RSPO2: variants seen among roughly 807,000 people sequenced by gnomAD.
The protein encoded by RSPO2 is R-spondin-2.
In RSPO2, 14 loss-of-function variants were observed where a neutral mutation model predicts 30.9. The observed-to-expected ratio is 0.45, with a 90% CI of 0.30 to 0.71. The LOEUF (loss-of-function observed/expected upper bound fraction) is 0.71, where lower values mean the gene tolerates loss of function less well. RSPO2 is among the 30% of genes least tolerant of loss of function. The pLI, the probability that RSPO2 is intolerant of heterozygous loss-of-function variation, is 0.08. For missense variants in RSPO2, 264 were observed against 301.9 expected (o/e 0.87, Z 0.93); for synonymous variants, 107 against 96.4 (o/e 1.11, Z -0.64).
chr8:107,910,499 C>T (rs1811788094), intron 5 of RSPO2, among the ~76,000 whole-genome samples: 1 of 152,182 alleles, frequency 6.6e-6, no homozygotes, highest in Admixed American at 6.5e-5. Context: ...TGCCACCATA[C>T]TCCAGCCTGG....
chr8:107,954,978 T>C (rs1813376469), intron 5 of RSPO2, among the ~76,000 whole-genome samples: 2 of 152,154 alleles, frequency 1.3e-5, no homozygotes, highest in African/African-American at 2.4e-5. Context: ...GTCTGCTATA[T>C]TGGTAGCTAA....
At chr8:108,043,221 T>C (rs1238607541) in intron 2 of RSPO2, among the ~76,000 whole-genome samples, 2 of 152,046 alleles carry the variant, frequency 1.3e-5, no homozygotes, top group African/African-American at 4.8e-5. Flanking sequence ...TGTACTCAAT[T>C]TGTAGCGGGA....
intron 2 of RSPO2, among the ~76,000 whole-genome samples, chr8:107,992,477 T>C (rs1358447886): frequency 6.6e-6 from 1 of 152,092 alleles, no homozygotes; most frequent in South Asian, 2.1e-4. Context: ...ACCTGGGTGA[T>C]GAAATTATCT....
intron 5 of RSPO2, among the ~76,000 whole-genome samples, chr8:107,921,227 G>C (rs1173132868): frequency 6.6e-6 from 1 of 151,216 alleles, no homozygotes; most frequent in Non-Finnish European, 1.5e-5. Flanking sequence ...TAGAAAATAA[G>C]TTTTGAAAAA....
chr8:108,068,878 C>T (rs1397383562), intron 2 of RSPO2, among the ~76,000 whole-genome samples: 3 of 152,164 alleles, frequency 2.0e-5, no homozygotes, highest in African/African-American at 4.8e-5. Context: ...GGACTTTTAG[C>T]CTCCAGATGG....
Position 107,963,522 on chromosome 8 carries a change from CAAAA to C in RSPO2, c.284-2709_284-2706del, listed in dbSNP as rs61697128. On this transcript the variant is annotated intron_variant, in intron 3 of 5. Transcript: ENST00000276659. ...TTAGGCAATGAAGTGAGACCTGTCT[CAAAA>C]AAAAAAAAAAAAAAAAAAAAAAAAG... Among the ~76,000 whole-genome samples, 108 of 31,982 alleles carry C rather than the reference CAAAA, an allele frequency of 3.4e-3. 1 individual carries two copies. Among genetic ancestry groups the C allele is most frequent in the Admixed American group, 8.9e-3 (15 of 1,692 alleles). The allele number at this position is 31,982 out of a possible 152,430, so 21.0% of individuals were successfully genotyped here. A position where few individuals can be genotyped will look rare whatever the true frequency, so the allele number is the denominator to read the frequency against.
At chr8:108,059,492 C>T (rs371542882) in intron 2 of RSPO2, among the ~76,000 whole-genome samples, 1 of 151,396 alleles carries the variant, frequency 6.6e-6, no homozygotes, top group East Asian at 1.9e-4. Context: ...CCCAGCCATC[C>T]CATTACTGGG....
At chr8:107,953,375 T>C (rs1221001073) in intron 5 of RSPO2, among the ~76,000 whole-genome samples, 2 of 151,930 alleles carry the variant, frequency 1.3e-5, no homozygotes, top group East Asian at 3.9e-4. Flanking sequence ...TAAAGGAGAG[T>C]AGGGCCTTCA....
intron 5 of RSPO2, among the ~76,000 whole-genome samples, chr8:107,944,068 A>G (rs1343758073): frequency 6.6e-6 from 1 of 152,248 alleles, no homozygotes; most frequent in East Asian, 1.9e-4. Flanking sequence ...TAGACTCTTC[A>G]AATAAGCCAA....
intron 2 of RSPO2, among the ~76,000 whole-genome samples, chr8:108,062,673 A>T (rs1014506181): frequency 6.6e-5 from 10 of 151,826 alleles, no homozygotes; most frequent in African/African-American, 2.4e-4. Context: ...ATCCTCCCTA[A>T]CTCATTTTAT....
chr8:108,030,119 G>GAAAAAAA (rs11434221), intron 2 of RSPO2, among the ~76,000 whole-genome samples: 3 of 70,988 alleles, frequency 4.2e-5, no homozygotes, highest in Non-Finnish European at 5.4e-5. Flanking sequence ...GGATAGATAG[G>GAAAAAAA]AAAAAAAAAA....
At chr8:108,019,583 T>C (rs907871503) in intron 2 of RSPO2, among the ~76,000 whole-genome samples, 6 of 152,170 alleles carry the variant, frequency 3.9e-5, no homozygotes, top group African/African-American at 1.2e-4. Flanking sequence ...TTTTAAACTT[T>C]CCTTTAATGG....
chr8:108,062,880 C>T lies in RSPO2; in HGVS notation c.94+19665G>A, dbSNP rs532940411. The stretch of plus-strand genomic sequence containing the variant: ...TGGAATGCAAAGCTGGTTCAACATA[C>T]GCAAATCAATAAATGTAATCCAGCA... On this transcript the variant is annotated intron_variant, in intron 2 of 5. Coordinates refer to ENST00000276659, the MANE Select transcript of RSPO2 (RefSeq NM_178565.5). Among the ~76,000 whole-genome samples, 35 of 151,926 alleles carry T rather than the reference C, an allele frequency of 2.3e-4. 1 individual carries two copies. Among genetic ancestry groups the T allele is most frequent in the South Asian group, 4.1e-4 (2 of 4,822 alleles).
intron 5 of RSPO2, among the ~76,000 whole-genome samples, chr8:107,953,460 TCACCAGTGATTC>T: frequency 6.6e-6 from 1 of 152,220 alleles, no homozygotes; most frequent in East Asian, 1.9e-4. Flanking sequence ...GGGATATGTT[TCACCAGTGATTC>T]CAAATTGGAA....
At chr8:107,928,470 C>G (rs567644500) in intron 5 of RSPO2, among the ~76,000 whole-genome samples, 4 of 152,284 alleles carry the variant, frequency 2.6e-5, no homozygotes, top group African/African-American at 9.6e-5. Flanking sequence ...CACTGTGCTT[C>G]TAAGCCTAAC....
Position 108,064,539 on chromosome 8 carries a change from A to G in RSPO2, c.94+18006T>C, listed in dbSNP as rs529901381. 3.3e-5 allele frequency among the ~76,000 whole-genome samples: 5 copies of G among 152,322 alleles called. No individual in the cohort carries two copies. In the South Asian group the frequency reaches 1.0e-3, roughly 32 times the overall value. On this transcript the variant is annotated intron_variant, in intron 2 of 5. Transcript: ENST00000276659. The stretch of plus-strand genomic sequence containing the variant: ...CAGGAAACAACAGGTGCTGGAGAGG[A>G]TGTGGAGAAATAGGAACACTTATAC...
At chr8:107,908,565 G>A (rs532427561) in intron 5 of RSPO2, among the ~76,000 whole-genome samples, 1 of 152,284 alleles carries the variant, frequency 6.6e-6, no homozygotes, top group South Asian at 2.1e-4. Context: ...CTGGTTAAGA[G>A]ATGGTTTTTT....
rs558614395 is a variant in RSPO2 at position 108,058,870 on chromosome 8, C to T, written c.94+23675G>A. On this transcript the variant is annotated intron_variant, in intron 2 of 5. Coordinates refer to ENST00000276659, the MANE Select transcript of RSPO2 (RefSeq NM_178565.5). ...ATTCAAGATGGATTAAGTACTTAAACATTAGACCTAAAACCATAAAAACCC... is the reference window on the plus strand; with the variant it reads ...ATTCAAGATGGATTAAGTACTTAAATATTAGACCTAAAACCATAAAAACCC... Among the ~76,000 whole-genome samples, 9 of 151,718 alleles carry T rather than the reference C, an allele frequency of 5.9e-5. No homozygotes were observed. In the East Asian group the frequency reaches 1.7e-3, roughly 29 times the overall value.
At chr8:107,963,522 C>CA (rs61697128) in intron 3 of RSPO2, among the ~76,000 whole-genome samples, 893 of 32,012 alleles carry the variant, frequency 0.028, 326 homozygotes, top group African/African-American at 0.12. Context: ...AGACCTGTCT[C>CA]AAAAAAAAAA....
Sources: gnomAD v4.1 joint callset for allele counts (sites outside exome capture counted in the v4.1 genomes callset) on GRCh38, gnomAD v4.1.1 for gene constraint, MANE v1.5 for transcripts, NCBI Gene and HGNC (gene_info 2026-07-23, HGNC 2026-07-21) for gene names.